NCOR2: variants seen among roughly 807,000 people sequenced by gnomAD.
The protein encoded by NCOR2 is CTG repeat protein 26.
NCOR2 carries 81 observed loss-of-function variants against 262.9 expected under a neutral mutation model. The observed-to-expected ratio is 0.31, with a 90% CI of 0.26 to 0.37. The LOEUF is 0.37. Ranked by LOEUF, NCOR2 falls within the 10% of genes least tolerant of loss-of-function variation. The pLI is 1.00. For synonymous variants in NCOR2, 1,659 were observed against 1,559.3 expected (o/e 1.06, Z -1.51); for missense variants, 3,385 against 3,621.4 (o/e 0.93, Z 1.68).
chr12:124,402,428 T>G, exon 14 of NCOR2: 2 of 1,614,160 alleles, frequency 1.2e-6, no homozygotes, highest in Non-Finnish European at 1.7e-6. Context: ...CTTGTCGTTC[T>G]CCACCTCCGG....
At chr12:124,529,304 TAA>T (rs1175749746) in intron 1 of NCOR2, among the ~76,000 whole-genome samples, 3 of 130,244 alleles carry the variant, frequency 2.3e-5, no homozygotes, top group Admixed American at 8.1e-5. Flanking sequence ...CCGTCTCTAC[TAA>T]AAAAAAAAAA....
intron 1 of NCOR2, among the ~76,000 whole-genome samples, chr12:124,488,689 C>T (rs2136847179): frequency 6.6e-6 from 1 of 152,316 alleles, no homozygotes; most frequent in South Asian, 2.1e-4. Flanking sequence ...AAAGACCTTG[C>T]CACACACACA....
chr12:124,379,629 G>A (rs1283232077), intron 17 of NCOR2, among the ~76,000 whole-genome samples: 5 of 152,172 alleles, frequency 3.3e-5, no homozygotes, highest in Non-Finnish European at 5.9e-5. Flanking sequence ...TGGGCCCTCC[G>A]CCACACCTGG....
At chr12:124,418,901 C>T (rs2043056215) in intron 13 of NCOR2, among the ~76,000 whole-genome samples, 3 of 152,214 alleles carry the variant, frequency 2.0e-5, no homozygotes, top group Non-Finnish European at 4.4e-5. Flanking sequence ...TGCAAGGACG[C>T]TCCACGCGGC....
At chr12:124,367,926 G>C (rs1004084008) in intron 20 of NCOR2, among the ~76,000 whole-genome samples, 1 of 152,216 alleles carries the variant, frequency 6.6e-6, no homozygotes, top group Non-Finnish European at 1.5e-5. Context: ...GAGCCACCGC[G>C]ACCGGCCTCT....
At chr12:124,336,632 G>C (rs1566358751) in intron 38 of NCOR2, 121 bp downstream of exon 40, 1 of 1,506,074 alleles carries the variant, frequency 6.6e-7, no homozygotes, top group Non-Finnish European at 8.9e-7. Context: ...CGGGCCGGAA[G>C]TCTTACCATC....
At chr12:124,484,054 T>C (rs545722815) in intron 2 of NCOR2, among the ~76,000 whole-genome samples, 1 of 152,280 alleles carries the variant, frequency 6.6e-6, no homozygotes. Context: ...CCTCCCTTGC[T>C]ACGGACCACC....
chr12:124,445,705 A>G (rs920128713), intron 7 of NCOR2, among the ~76,000 whole-genome samples: 1 of 152,062 alleles, frequency 6.6e-6, no homozygotes, highest in Admixed American at 6.5e-5. Context: ...ACTTATCACA[A>G]TGTATTTATT....
At chr12:124,329,016 T>G (rs575193506) in intron 44 of NCOR2, 21 of 437,398 alleles carry the variant, frequency 4.8e-5, no homozygotes, top group Non-Finnish European at 9.4e-5. Context: ...GCAGCGCGAC[T>G]GGGCCTTCTA....
chr12:124,334,001 T>TGC (rs1235617823), intron 41 of NCOR2, among the ~76,000 whole-genome samples: 4 of 149,116 alleles, frequency 2.7e-5, no homozygotes, highest in South Asian at 2.1e-4. Context: ...TGTGTGTGTG[T>TGC]GCGCATGTGT....
chr12:124,359,065 A>T (rs1414832344), intron 22 of NCOR2, among the ~76,000 whole-genome samples: 1 of 152,228 alleles, frequency 6.6e-6, no homozygotes, highest in Admixed American at 6.5e-5. Context: ...CCTAGATTTC[A>T]GGCCTGGGGA....
exon 31 of NCOR2, chr12:124,346,590 G>T: frequency 6.4e-7 from 1 of 1,574,798 alleles, no homozygotes; most frequent in African/African-American, 1.3e-5. Flanking sequence ...TCCTTGAGCG[G>T]CCGCGGGGCC....
At position 124,495,061 on chromosome 12, in the gene NCOR2, C is replaced by T. The variant is rs1015148467; in HGVS notation, c.105+86G>A. On this transcript the variant is annotated intron_variant, in intron 1 of 46. Transcript: ENST00000405201. This position sits in a 1 kb window ranked among gnomAD's most constrained non-coding sequence, Gnocchi z 4.4. ...CTCAGAGCCACATGAGCCTGGCTCC[C>T]AGGAGAAAGGAAGGGGTGAAGACTC... The T allele has an allele frequency of 4.0e-6, 6 of 1,514,292 alleles. No individual in the cohort carries two copies. The highest frequency in any genetic ancestry group is 5.4e-6 in the Non-Finnish European group (6 of 1,120,336). 93.8% of individuals were successfully genotyped at this position (1,514,292 alleles called of 1,614,324 possible). A position where few individuals can be genotyped will look rare whatever the true frequency, so the allele number is the denominator to read the frequency against.
At chr12:124,330,417 G>C (rs1295302294) in intron 44 of NCOR2, among the ~76,000 whole-genome samples, 2 of 152,218 alleles carry the variant, frequency 1.3e-5, no homozygotes, top group East Asian at 3.8e-4. Flanking sequence ...AAAAAGTAAG[G>C]CTTCCCAGTT....
chr12:124,410,204 C>T (rs1217207255), intron 13 of NCOR2, among the ~76,000 whole-genome samples: 1 of 148,208 alleles, frequency 6.7e-6, no homozygotes, highest in African/African-American at 2.5e-5. Context: ...CGATCCTGAC[C>T]GATCTGCTGC....
rs1031997803 is a variant in NCOR2 at position 124,566,672 on chromosome 12, A to G, written c.-165+636T>C. On this transcript the variant is annotated intron_variant, in intron 1 of 32. Transcript: ENST00000458234. This position sits in a 1 kb window ranked among gnomAD's most constrained non-coding sequence, Gnocchi z 4.3. ...GGAGGGACTAGGAGGCGGCCCAATG[A>G]GGCGTCACCAGCCACGGGAGGCAGG... 2.0e-5 allele frequency among the ~76,000 whole-genome samples: 3 copies of G among 152,302 alleles called. No individual in the cohort carries two copies. The highest frequency in any genetic ancestry group is 7.2e-5 in the African/African-American group (3 of 41,580).
chr12:124,466,278 C>T (rs534424316), exon 5 of NCOR2: 239 of 1,606,466 alleles, frequency 1.5e-4, no homozygotes, highest in Admixed American at 1.4e-3. Context: ...CCTCCTCCTC[C>T]AGCTGTTGCT....
chr12:124,479,510 C>A (rs144279746), intron 3 of NCOR2, among the ~76,000 whole-genome samples: 1 of 151,068 alleles, frequency 6.6e-6, no homozygotes, highest in East Asian at 2.0e-4. Flanking sequence ...CGCATACACA[C>A]GCACATGCGC....
exon 21 of NCOR2, chr12:124,363,688 G>C: frequency 1.4e-6 from 2 of 1,390,586 alleles, no homozygotes; most frequent in Non-Finnish European, 1.9e-6. Context: ...CGATGGGGGG[G>C]ATGGCAGCCG....
Sources: allele counts gnomAD v4.1 joint callset (sites outside exome capture counted in the v4.1 genomes callset), GRCh38; gene constraint gnomAD v4.1.1; non-coding constraint Gnocchi (gnomAD v3.1); transcripts MANE v1.5; gene names NCBI Gene and HGNC (gene_info 2026-07-23, HGNC 2026-07-21).